UNC79: variants seen among roughly 807,000 people sequenced by gnomAD.
The protein encoded by UNC79 is protein unc-79 homolog.
Under a neutral mutation model 283.1 loss-of-function variants are expected in UNC79, and 37 were observed. The ratio of observed to expected loss-of-function variants is 0.13; its 90% confidence interval spans 0.10 to 0.17. The LOEUF (loss-of-function observed/expected upper bound fraction) is 0.17, where lower values mean the gene tolerates loss of function less well. Among genes scored for constraint, UNC79 ranks in the 10% least tolerant of loss-of-function variants. The pLI is 1.00. For missense variants in UNC79, 2,272 were observed against 3,211.1 expected, an observed-to-expected ratio of 0.71 and a Z score of 7.07; for synonymous variants, 1,107 against 1,200.2, an observed-to-expected ratio of 0.92 and a Z score of 1.61.
chr14:93,359,542 G>T (rs1039467894), intron 1 of UNC79, among the ~76,000 whole-genome samples: 2 of 152,224 alleles, frequency 1.3e-5, no homozygotes, highest in Non-Finnish European at 2.9e-5. Context: ...GGCAAGGTCA[G>T]CATAGCTACC....
intron 40 of UNC79, among the ~76,000 whole-genome samples, chr14:93,672,651 A>G (rs893236495): frequency 1.2e-4 from 19 of 152,336 alleles, no homozygotes; most frequent in Admixed American, 3.3e-4. Context: ...TCAAAATACT[A>G]TAAGTGAGGA....
chr14:93,469,020 C>G (rs994030505), intron 2 of UNC79, among the ~76,000 whole-genome samples: 1 of 152,170 alleles, frequency 6.6e-6, no homozygotes, highest in Non-Finnish European at 1.5e-5. Context: ...CAATGGAAAA[C>G]AGTTTCCTTT....
At chr14:93,428,822 T>C (rs1003602627), upstream of UNC79, among the ~76,000 whole-genome samples, 3 of 152,210 alleles carry the variant, frequency 2.0e-5, no homozygotes, top group Admixed American at 1.3e-4. Context: ...AGTCGAGGCA[T>C]GGAGAAGTTA....
chr14:93,491,514 A>G (rs957641115), intron 5 of UNC79, among the ~76,000 whole-genome samples: 1 of 152,196 alleles, frequency 6.6e-6, no homozygotes, highest in Middle Eastern at 3.2e-3. Flanking sequence ...GTGGATTCAC[A>G]TCTGAGCTTA....
chr14:93,623,532 C>T (rs1305424161), intron 30 of UNC79, among the ~76,000 whole-genome samples: 1 of 152,206 alleles, frequency 6.6e-6, no homozygotes, highest in South Asian at 2.1e-4. Flanking sequence ...CATCCTATAA[C>T]AGTCTTCTGT....
chr14:93,620,652 C>G (rs975385130), intron 29 of UNC79, among the ~76,000 whole-genome samples: 5 of 152,180 alleles, frequency 3.3e-5, no homozygotes, highest in African/African-American at 1.2e-4. Flanking sequence ...AGAAGCCTCT[C>G]CTTAAAAATG....
At chr14:93,427,604 T>C (rs1201883782), upstream of UNC79, among the ~76,000 whole-genome samples, 1 of 152,096 alleles carries the variant, frequency 6.6e-6, no homozygotes. Flanking sequence ...ATATATTATG[T>C]TTTACTTACT....
chr14:93,668,880 C>G (rs979549568), intron 40 of UNC79, among the ~76,000 whole-genome samples: 6 of 148,356 alleles, frequency 4.0e-5, no homozygotes, highest in East Asian at 2.0e-4. Flanking sequence ...TCCTCTAGTC[C>G]TAGCTATTTG....
rs2060819817 is a variant in UNC79 at position 93,531,457 on chromosome 14, A to G, written c.1094-1093A>G. Among the ~76,000 whole-genome samples, 1 of 152,222 alleles carries G rather than the reference A, an allele frequency of 6.6e-6. No individual in the cohort carries two copies. The highest frequency in any genetic ancestry group is 1.5e-5 in the Non-Finnish European group (1 of 68,038). On this transcript the variant is annotated intron_variant, in intron 10 of 48. Coordinates refer to ENST00000555664, the Ensembl canonical transcript of UNC79. This position sits in a 1 kb window ranked among gnomAD's most constrained non-coding sequence, Gnocchi z 4.2. ...CCAATTCTTGGAAAATTTATTTTCA[A>G]ATGCTCTCCAGCATCAGTTTTCATG... is the stretch of plus-strand genomic sequence containing the variant.
intron 8 of UNC79, among the ~76,000 whole-genome samples, chr14:93,526,746 A>T (rs1282381388): frequency 6.6e-6 from 1 of 152,236 alleles, no homozygotes; most frequent in African/African-American, 2.4e-5. Flanking sequence ...TCAGAGGTTG[A>T]CTAGCTAATC....
At chr14:93,411,455 G>A (rs1390183166) in intron 1 of UNC79, among the ~76,000 whole-genome samples, 1 of 152,222 alleles carries the variant, frequency 6.6e-6, no homozygotes, top group African/African-American at 2.4e-5. Flanking sequence ...GGGAACAAAG[G>A]TGATAGCCAG....
In UNC79 at chr14:93,529,267, A is replaced by T. The variant is rs756402692; in HGVS notation, c.1053-19A>T. 7.4e-6 allele frequency: 12 copies of T among 1,612,952 alleles called. No homozygotes were observed. The highest frequency in any genetic ancestry group is 1.0e-5 in the Non-Finnish European group (12 of 1,179,618). ...ACATTTCAATGAAGCTCAAAAATGAATTTTGTTTTTTTCAATAGGGACCAC... is the reference window on the plus strand; with the variant it reads ...ACATTTCAATGAAGCTCAAAAATGATTTTTGTTTTTTTCAATAGGGACCAC... On this transcript the variant is annotated intron_variant, in intron 9 of 48. Coordinates refer to ENST00000555664, the Ensembl canonical transcript of UNC79.
At chr14:93,334,886 A>G (rs1395629632) in intron 1 of UNC79, 1 of 152,234 alleles carries the variant, frequency 6.6e-6, no homozygotes, top group African/African-American at 2.4e-5. Flanking sequence ...AGCTATGATT[A>G]GCAAACTAAA....
intron 1 of UNC79, among the ~76,000 whole-genome samples, chr14:93,357,821 GGATATATGGATATGTA>G (rs2054133175): frequency 1.2e-5 from 1 of 85,864 alleles, no homozygotes; most frequent in South Asian, 3.6e-4. Context: ...ATATATATAT[GGATATATGGATATGTA>G]TATATATGGA....
intron 29 of UNC79, among the ~76,000 whole-genome samples, chr14:93,620,258 G>C (rs2067029053): frequency 6.6e-6 from 1 of 152,038 alleles, no homozygotes; most frequent in Admixed American, 6.6e-5. Flanking sequence ...TTTTTCCTTT[G>C]TTTACTCTTT....
intron 38 of UNC79, among the ~76,000 whole-genome samples, chr14:93,656,947 A>G (rs1467968197): frequency 6.6e-6 from 1 of 152,226 alleles, no homozygotes; most frequent in Non-Finnish European, 1.5e-5. Context: ...TATGTAACAT[A>G]AGATACTTGA....
At chr14:93,397,984 C>T (rs1220090495) in intron 1 of UNC79, among the ~76,000 whole-genome samples, 1 of 152,078 alleles carries the variant, frequency 6.6e-6, no homozygotes, top group Non-Finnish European at 1.5e-5. Flanking sequence ...GCTGCAAGCC[C>T]TTAGTCAATT....
chr14:93,364,863 G>A (rs1420476043), intron 1 of UNC79, among the ~76,000 whole-genome samples: 1 of 151,926 alleles, frequency 6.6e-6, no homozygotes, highest in Non-Finnish European at 1.5e-5. Context: ...GGTGCCACAT[G>A]TCCTGCCCCT....
chr14:93,347,621 G>A (rs2053885146), intron 1 of UNC79, among the ~76,000 whole-genome samples: 1 of 152,086 alleles, frequency 6.6e-6, no homozygotes, highest in Admixed American at 6.5e-5. Context: ...CGGAAAGCCC[G>A]GGACCCTGAG....
Sources: gnomAD v4.1 joint callset for allele counts (sites outside exome capture counted in the v4.1 genomes callset) on GRCh38, gnomAD v4.1.1 for gene constraint, Gnocchi (gnomAD v3.1) non-coding constraint, MANE v1.5 for transcripts, NCBI Gene and HGNC (gene_info 2026-07-23, HGNC 2026-07-21) for gene names.